TANC1: variants seen among roughly 807,000 people sequenced by gnomAD.
The protein encoded by TANC1 is protein TANC1.
A neutral mutation model predicts 149.7 loss-of-function variants in TANC1; 77 were observed. The ratio of observed to expected loss-of-function variants is 0.51; its 90% CI spans 0.43 to 0.62. The LOEUF is 0.62. TANC1 is among the 20% of genes least tolerant of loss of function. The probability of loss-of-function intolerance (pLI) is 0.00; values close to 1 mark genes in which losing one functional copy is unlikely to be tolerated. For missense variants in TANC1, 1,985 were observed against 2,321.8 expected (o/e 0.85, Z 2.98); for synonymous variants, 854 against 925.0 (o/e 0.92, Z 1.39).
At chr2:159,228,029 G>A (rs774164693) in intron 25 of TANC1, 64 bp downstream of exon 25, 2 of 1,553,864 alleles carry the variant, frequency 1.3e-6, no homozygotes, top group South Asian at 1.2e-5. Flanking sequence ...CAGCAGTGAA[G>A]GCCAGCCCTT....
intron 5 of TANC1, among the ~76,000 whole-genome samples, chr2:159,144,678 T>C (rs1282734879): frequency 6.6e-6 from 1 of 152,218 alleles, no homozygotes; most frequent in Non-Finnish European, 1.5e-5. Flanking sequence ...ATTACAGGTG[T>C]AAGCCACCGC....
At chr2:159,217,682 C>T (rs766710974) in intron 20 of TANC1, 52 bp downstream of exon 20, 1 of 1,600,380 alleles carries the variant, frequency 6.2e-7, no homozygotes, top group South Asian at 1.1e-5. Context: ...GGATGGAGTT[C>T]ACTATTGCCT....
intron 19 of TANC1, among the ~76,000 whole-genome samples, chr2:159,211,777 G>A (rs755942676): frequency 1.3e-5 from 2 of 152,246 alleles, no homozygotes; most frequent in Non-Finnish European, 2.9e-5. Flanking sequence ...TGCATCATTT[G>A]TAAACGAGAG....
chr2:159,112,415 G>T (rs79507339), intron 4 of TANC1, among the ~76,000 whole-genome samples: 27,225 of 151,870 alleles, frequency 0.18, 2,529 homozygotes, highest in Middle Eastern at 0.25. Flanking sequence ...TCCACCACAT[G>T]CAGCTAATTT....
intron 3 of TANC1, among the ~76,000 whole-genome samples, chr2:159,071,361 G>T (rs926927599): frequency 7.9e-5 from 12 of 152,066 alleles, no homozygotes; most frequent in African/African-American, 2.9e-4. Flanking sequence ...TTTTTCCCCA[G>T]TAGGGGGACT....
intron 3 of TANC1, among the ~76,000 whole-genome samples, chr2:159,067,767 C>T (rs1042160703): frequency 2.0e-5 from 3 of 152,144 alleles, no homozygotes; most frequent in South Asian, 2.1e-4. Flanking sequence ...ACTCACCAGT[C>T]GGTAACAGTT....
At chr2:159,223,756 T>C (rs540343689) in intron 22 of TANC1, among the ~76,000 whole-genome samples, 2 of 152,364 alleles carry the variant, frequency 1.3e-5, no homozygotes, top group Non-Finnish European at 2.9e-5. Context: ...AAGTGGATTA[T>C]ACTCGGGTCC....
chr2:159,107,092 A>G (rs1311018455), intron 4 of TANC1, among the ~76,000 whole-genome samples: 1 of 152,138 alleles, frequency 6.6e-6, no homozygotes, highest in Non-Finnish European at 1.5e-5. Context: ...CAATGGTGCT[A>G]TCTCGGCTCA....
intron 3 of TANC1, among the ~76,000 whole-genome samples, chr2:159,091,363 A>G (rs1301019546): frequency 6.6e-6 from 1 of 152,148 alleles, no homozygotes; most frequent in Admixed American, 6.5e-5. Context: ...TGTATAATGC[A>G]CCCAGAACCC....
rs2150319981 is a variant in TANC1 at position 159,150,614 on chromosome 2, A to C, written c.682+58A>C. ...TCGAATCTCATCAACCAGAGCATTCACCAGGCACTTCCTCAGAGGGTTTTA... is the reference window on the plus strand; with the variant it reads ...TCGAATCTCATCAACCAGAGCATTCCCCAGGCACTTCCTCAGAGGGTTTTA... On this transcript the variant is annotated intron_variant, in intron 7 of 26. Transcript: ENST00000263635. The C allele has an allele frequency of 2.2e-6, 3 of 1,356,008 alleles. No individual in the cohort carries two copies. The South Asian group carries it at 3.7e-5, about 17-fold the overall frequency. The allele number at this position is 1,356,008 out of a possible 1,614,324, so 84.0% of individuals were successfully genotyped here.
chr2:159,125,621 A>C (rs2049365762), intron 4 of TANC1, among the ~76,000 whole-genome samples: 1 of 120,030 alleles, frequency 8.3e-6, no homozygotes. Context: ...ACAGAGTCTT[A>C]CTCTGTTGCC....
intron 14 of TANC1, among the ~76,000 whole-genome samples, chr2:159,180,786 T>C (rs1042231292): frequency 4.6e-5 from 7 of 152,244 alleles, no homozygotes; most frequent in African/African-American, 1.4e-4. Context: ...TATGCAGTTA[T>C]GTGCAAAGTA....
At chr2:159,186,843 G>A (rs766276740) in intron 15 of TANC1, 59 bp from the exon 16 acceptor site, 1 of 1,609,604 alleles carries the variant, frequency 6.2e-7, no homozygotes, top group East Asian at 2.2e-5. Flanking sequence ...AGGTGGGAAG[G>A]AGATGCTCAG....
intron 16 of TANC1, among the ~76,000 whole-genome samples, chr2:159,191,282 C>T (rs1038489214): frequency 6.6e-6 from 1 of 152,190 alleles, no homozygotes; most frequent in African/African-American, 2.4e-5. Flanking sequence ...GCTCTGTTTG[C>T]CTTTCTTCTC....
chr2:159,095,592 C>T (rs982739450), intron 3 of TANC1, among the ~76,000 whole-genome samples: 8 of 151,858 alleles, frequency 5.3e-5, no homozygotes, highest in Admixed American at 2.0e-4. Flanking sequence ...AAAGATTAGC[C>T]GGGTGTGGTG....
chr2:159,190,350 C>G (rs904508724), intron 16 of TANC1, among the ~76,000 whole-genome samples: 15 of 152,210 alleles, frequency 9.9e-5, no homozygotes, highest in Admixed American at 9.8e-4. Flanking sequence ...ATGATCCTGC[C>G]CATCCTGTGG....
At chr2:159,123,865 C>T (rs1362974660) in intron 4 of TANC1, among the ~76,000 whole-genome samples, 6 of 152,172 alleles carry the variant, frequency 3.9e-5, no homozygotes, top group Non-Finnish European at 8.8e-5. Flanking sequence ...TCTGTGGTCC[C>T]ATTCAGTGAC....
intron 2 of TANC1, among the ~76,000 whole-genome samples, chr2:159,061,841 A>G (rs757110735): frequency 7.2e-5 from 11 of 152,202 alleles, no homozygotes; most frequent in Non-Finnish European, 1.2e-4. Context: ...TGAGTTCAAC[A>G]GTACCTTTGT....
At chr2:159,008,271 G>A (rs918326266) in intron 2 of TANC1, among the ~76,000 whole-genome samples, 5 of 152,198 alleles carry the variant, frequency 3.3e-5, no homozygotes, top group African/African-American at 1.2e-4. Flanking sequence ...GTCATTACTT[G>A]CAAATTGATG....
Sources: gnomAD v4.1 joint callset for allele counts (sites outside exome capture counted in the v4.1 genomes callset) on GRCh38, gnomAD v4.1.1 for gene constraint, MANE v1.5 for transcripts, NCBI Gene and HGNC (gene_info 2026-07-23, HGNC 2026-07-21) for gene names.